The following PPP1R9A variants were observed in gnomAD, a reference collection of about 807,000 sequenced individuals.
PPP1R9A encodes protein phosphatase 1 regulatory subunit 9A, also known as neurabin-1.
Under a neutral mutation model 141.9 loss-of-function variants are expected in PPP1R9A, and 59 were observed. The ratio of observed to expected loss-of-function variants is 0.42; its 90% CI spans 0.34 to 0.52. The LOEUF (loss-of-function observed/expected upper bound fraction) is 0.52. PPP1R9A is among the 20% of genes least tolerant of loss of function. PPP1R9A has a pLI of 0.10. For synonymous variants in PPP1R9A, 500 were observed against 569.7 expected (o/e 0.88, Z 1.74); for missense variants, 1,444 against 1,611.9 (o/e 0.90, Z 1.78).
At chr7:95,105,402 G>C (rs901383527) in intron 2 of PPP1R9A, among the ~76,000 whole-genome samples, 17 of 152,216 alleles carry the variant, frequency 1.1e-4, no homozygotes, top group Non-Finnish European at 2.2e-4. Flanking sequence ...CTGAAAGCCT[G>C]TCTCTGCTGT....
chr7:94,954,518 T>C (rs749642051), intron 2 of PPP1R9A, among the ~76,000 whole-genome samples: 2 of 151,992 alleles, frequency 1.3e-5, no homozygotes, highest in Non-Finnish European at 2.9e-5. Context: ...AAGTCTTTTA[T>C]TTGCAATATT....
At chr7:95,157,033 C>T (rs1178101833) in intron 4 of PPP1R9A, 5 of 152,548 alleles carry the variant, frequency 3.3e-5, no homozygotes, top group African/African-American at 7.2e-5. Flanking sequence ...GTTTGCCCTC[C>T]AAATCAGCAC....
chr7:94,994,924 A>G, intron 2 of PPP1R9A, among the ~76,000 whole-genome samples: 1 of 151,842 alleles, frequency 6.6e-6, no homozygotes, highest in Non-Finnish European at 1.5e-5. Context: ...CACAAAACCC[A>G]AATTGCTTTT....
intron 2 of PPP1R9A, among the ~76,000 whole-genome samples, chr7:95,093,676 T>TA (rs1817650460): frequency 6.6e-6 from 1 of 152,194 alleles, no homozygotes; most frequent in Admixed American, 6.5e-5. Context: ...TACCATATGA[T>TA]ACAAAAATTA....
Position 95,197,389 on chromosome 7 carries a change from C to T in PPP1R9A, c.1755-960C>T, listed in dbSNP as rs189869453. Among the ~76,000 whole-genome samples, 131 of 152,214 alleles carry T rather than the reference C, an allele frequency of 8.6e-4. 1 individual carries two copies. In the Middle Eastern group the frequency reaches 0.01, roughly 12 times the overall value. On this transcript the variant is annotated intron_variant, in intron 5 of 19. Coordinates refer to ENST00000433360, the MANE Select transcript of PPP1R9A (RefSeq NM_001166160.2). ...ATATACCATAAGTGACTGTAGCTTG[C>T]AATAAGGAAATATCTTACTTGTTTT...
At chr7:95,098,696 A>T (rs1215173323) in intron 2 of PPP1R9A, among the ~76,000 whole-genome samples, 2 of 152,124 alleles carry the variant, frequency 1.3e-5, no homozygotes, top group South Asian at 4.1e-4. Flanking sequence ...GACCTCCTTG[A>T]ATGAACAGTT....
At chr7:95,257,940 A>G (rs1206935820) in intron 12 of PPP1R9A, among the ~76,000 whole-genome samples, 1 of 152,082 alleles carries the variant, frequency 6.6e-6, no homozygotes, top group Non-Finnish European at 1.5e-5. Context: ...GGTTGGTTCC[A>G]AGTCTTTGCT....
At chr7:95,228,888 T>G (rs892849615) in intron 8 of PPP1R9A, among the ~76,000 whole-genome samples, 1 of 152,166 alleles carries the variant, frequency 6.6e-6, no homozygotes, top group African/African-American at 2.4e-5. Flanking sequence ...CATACATAAG[T>G]TACCTAAGTA....
At chr7:95,188,401 A>G (rs1303598067) in intron 5 of PPP1R9A, among the ~76,000 whole-genome samples, 1 of 152,142 alleles carries the variant, frequency 6.6e-6, no homozygotes, top group Non-Finnish European at 1.5e-5. Flanking sequence ...TCTCTTGAAG[A>G]TAGCATATAC....
At chr7:95,106,519 T>C (rs915458225) in intron 2 of PPP1R9A, among the ~76,000 whole-genome samples, 6 of 152,320 alleles carry the variant, frequency 3.9e-5, no homozygotes, top group African/African-American at 1.4e-4. Flanking sequence ...AATCACTGCA[T>C]TGAATTACAT....
intron 16 of PPP1R9A, among the ~76,000 whole-genome samples, chr7:95,275,405 A>G (rs1395020217): frequency 1.3e-4 from 7 of 54,182 alleles, no homozygotes; most frequent in Non-Finnish European, 3.1e-4. Context: ...CTCCGTCTCA[A>G]AAAAAAAAAA....
intron 8 of PPP1R9A, among the ~76,000 whole-genome samples, chr7:95,239,640 A>T (rs1797171876): frequency 1.3e-5 from 2 of 152,140 alleles, no homozygotes; most frequent in South Asian, 2.1e-4. Context: ...GTTTATAATT[A>T]TAATTATGCA....
intron 3 of PPP1R9A, among the ~76,000 whole-genome samples, chr7:95,113,519 C>T (rs1820942437): frequency 1.3e-5 from 2 of 152,098 alleles, no homozygotes; most frequent in African/African-American, 4.8e-5. Flanking sequence ...TAAAAAATTC[C>T]AGGCCAAAAA....
chr7:95,276,423 A>C (rs1176872609), intron 16 of PPP1R9A, among the ~76,000 whole-genome samples: 1 of 152,224 alleles, frequency 6.6e-6, no homozygotes, highest in Admixed American at 6.5e-5. Flanking sequence ...ACACTGCTTC[A>C]CCACAGTCGA....
intron 2 of PPP1R9A, among the ~76,000 whole-genome samples, chr7:95,110,293 T>C (rs968006034): frequency 1.3e-5 from 2 of 152,196 alleles, no homozygotes; most frequent in African/African-American, 2.4e-5. Context: ...TTTGGCCTTC[T>C]TTTCTGCCTT....
chr7:95,131,723 A>G (rs549662020), intron 4 of PPP1R9A, among the ~76,000 whole-genome samples: 1 of 151,910 alleles, frequency 6.6e-6, no homozygotes, highest in African/African-American at 2.4e-5. Flanking sequence ...TAGTTCTATG[A>G]AAAATGACAT....
At chr7:95,192,462 A>G (rs1384802878) in intron 5 of PPP1R9A, among the ~76,000 whole-genome samples, 1 of 152,064 alleles carries the variant, frequency 6.6e-6, no homozygotes, top group Non-Finnish European at 1.5e-5. Context: ...TACATGATCT[A>G]TTGATGTTGC....
At chr7:95,257,744 C>T (rs1799808091) in intron 12 of PPP1R9A, among the ~76,000 whole-genome samples, 1 of 152,030 alleles carries the variant, frequency 6.6e-6, no homozygotes, top group South Asian at 2.1e-4. Flanking sequence ...TCAATTCTCA[C>T]CTATGAGTGA....
intron 2 of PPP1R9A, among the ~76,000 whole-genome samples, chr7:94,924,604 C>G (rs879355857): frequency 6.6e-6 from 1 of 152,206 alleles, no homozygotes; most frequent in African/African-American, 2.4e-5. Flanking sequence ...TCTCAGCTTA[C>G]TGCAACTTCC....
Sources: gnomAD v4.1 joint callset for allele counts (sites outside exome capture counted in the v4.1 genomes callset) on GRCh38, gnomAD v4.1.1 for gene constraint, MANE v1.5 for transcripts, NCBI Gene and HGNC (gene_info 2026-07-23, HGNC 2026-07-21) for gene names.